ELP4: variants seen among roughly 807,000 people sequenced by gnomAD.
ELP4 encodes the protein elongator acetyltransferase complex subunit 4.
ELP4 carries 51 observed loss-of-function variants against 48.9 expected under a neutral mutation model. That is an observed-to-expected ratio of 1.04 (90% confidence interval 0.83 to 1.32). ELP4 has a LOEUF of 1.32. Among genes scored for constraint, ELP4 ranks in the 40% most tolerant of loss-of-function variants. The pLI is 0.00. For synonymous variants in ELP4, 210 were observed against 189.2 expected (o/e 1.11, Z -0.90); for missense variants, 519 against 514.6 (o/e 1.01, Z -0.08).
chr11:31,660,735 G>A (rs1452917976), intron 9 of ELP4, among the ~76,000 whole-genome samples: 2 of 151,808 alleles, frequency 1.3e-5, no homozygotes, highest in Non-Finnish European at 2.9e-5. Context: ...CATAAAACTA[G>A]CATGTTTCAA....
chr11:31,692,616 C>A (rs1946302788), intron 9 of ELP4, among the ~76,000 whole-genome samples: 1 of 152,088 alleles, frequency 6.6e-6, no homozygotes, highest in South Asian at 2.1e-4. Context: ...GTGACAGCTC[C>A]CAGTTCTGTA....
At chr11:31,682,110 TA>T in intron 9 of ELP4, 1 of 1,233,498 alleles carries the variant, frequency 8.1e-7, no homozygotes, top group Non-Finnish European at 1.0e-6. Context: ...AGTGCTTCTG[TA>T]ATGTCAGCGT....
intron 9 of ELP4, among the ~76,000 whole-genome samples, chr11:31,748,149 C>T (rs531086042): frequency 1.2e-3 from 186 of 151,932 alleles, no homozygotes; most frequent in African/African-American, 4.4e-3. Context: ...TGGGCAGATT[C>T]GTAGTTATGT....
At chr11:31,742,215 G>A (rs889772065) in intron 9 of ELP4, among the ~76,000 whole-genome samples, 3 of 152,044 alleles carry the variant, frequency 2.0e-5, no homozygotes, top group East Asian at 3.9e-4. Context: ...GAAAAGAAAC[G>A]AACAAAGCCT....
At chr11:31,698,056 G>A (rs1308202848) in intron 9 of ELP4, among the ~76,000 whole-genome samples, 3 of 152,000 alleles carry the variant, frequency 2.0e-5, no homozygotes, top group African/African-American at 4.8e-5. Flanking sequence ...AGTAAAGTAC[G>A]CCCTGGCATT....
In ELP4 at chr11:31,509,898, G is replaced by A; in HGVS notation, c.114G>A (p.Val38=). 2 of 1,614,134 alleles carry A rather than the reference G, an allele frequency of 1.2e-6. No homozygotes were observed. The highest frequency in any genetic ancestry group is 1.7e-6 in the Non-Finnish European group (2 of 1,180,036). Residue 38 remains valine (V), a synonymous_variant, in exon 1 of 10, where the codon GTG becomes GTA. Coordinates refer to ENST00000640961, the MANE Select transcript of ELP4 (RefSeq NM_019040.5). ...SFQRRGPRAS[V]TNDSGPRLVS... is the part of the protein sequence containing the mutation. ...AGAGGAGGGGTCCTAGAGCCAGCGT[G>A]ACCAACGACAGCGGCCCTCGACTGG...
chr11:31,614,944 A>G (rs1017268619), intron 5 of ELP4, among the ~76,000 whole-genome samples: 7 of 152,150 alleles, frequency 4.6e-5, no homozygotes, highest in Non-Finnish European at 7.4e-5. Flanking sequence ...GTTTTGCTGT[A>G]TAGGATGATA....
In ELP4 at chr11:31,509,924, T is replaced by C; in HGVS notation, c.140T>C (p.Val47Ala). 3 of 1,613,898 alleles carry C rather than the reference T, an allele frequency of 1.9e-6. No homozygotes were observed. The Admixed American group carries it at 5.0e-5, about 27-fold the overall frequency. ...SVTNDSGPRL[V>A]SIAGTRPSVR... Reference sequence around the variant, plus strand: ...ACCAACGACAGCGGCCCTCGACTGGTGTCCATTGCGGGCACGCGACCGTCG... The same window carrying C: ...ACCAACGACAGCGGCCCTCGACTGGCGTCCATTGCGGGCACGCGACCGTCG... Residue 47 changes from valine to alanine, a missense_variant, in exon 1 of 10, where the codon GTG becomes GCG. Coordinates refer to ENST00000640961, the MANE Select transcript of ELP4 (RefSeq NM_019040.5).
At chr11:31,765,448 C>A (rs1231718142) in intron 9 of ELP4, among the ~76,000 whole-genome samples, 3 of 152,094 alleles carry the variant, frequency 2.0e-5, no homozygotes, top group Non-Finnish European at 4.4e-5. Context: ...TAAACAGACT[C>A]TTTTTAATAT....
chr11:31,679,917 G>A (rs375016558), intron 9 of ELP4, among the ~76,000 whole-genome samples: 14 of 152,122 alleles, frequency 9.2e-5, no homozygotes, highest in African/African-American at 3.1e-4. Flanking sequence ...CCTAGGGCTG[G>A]GTCCCTCTGG....
intron 1 of ELP4, chr11:31,510,413 TGA>T: frequency 2.4e-6 from 1 of 416,826 alleles, no homozygotes; most frequent in East Asian, 3.3e-5. Context: ...TTTATAATTG[TGA>T]GAGACAGACT....
intron 3 of ELP4, among the ~76,000 whole-genome samples, chr11:31,545,657 G>A (rs1166561433): frequency 5.3e-5 from 8 of 151,998 alleles, no homozygotes; most frequent in African/African-American, 1.4e-4. Flanking sequence ...CTCCTCGAGA[G>A]GAGCAACTGC....
At chr11:31,635,071 A>G (rs1009779702) in intron 7 of ELP4, among the ~76,000 whole-genome samples, 2 of 152,008 alleles carry the variant, frequency 1.3e-5, no homozygotes, top group Middle Eastern at 3.2e-3. Context: ...ATTTGTTTTT[A>G]TATGAAAATG....
chr11:31,517,366 G>T (rs1178981167), intron 1 of ELP4, among the ~76,000 whole-genome samples: 6 of 151,808 alleles, frequency 4.0e-5, no homozygotes, highest in Non-Finnish European at 8.8e-5. Context: ...GTTTCACCTT[G>T]TTGGCCAGGA....
At chr11:31,538,022 A>G (rs908602913) in intron 2 of ELP4, among the ~76,000 whole-genome samples, 1 of 152,150 alleles carries the variant, frequency 6.6e-6, no homozygotes, top group Non-Finnish European at 1.5e-5. Context: ...TAGGTCTTCT[A>G]TACTCTCAGA....
chr11:31,557,298 A>G (rs891573094), intron 3 of ELP4, among the ~76,000 whole-genome samples: 3 of 151,974 alleles, frequency 2.0e-5, no homozygotes, highest in Admixed American at 6.5e-5. Flanking sequence ...GATCTGATTC[A>G]TTGTACCTTA....
intron 9 of ELP4, among the ~76,000 whole-genome samples, chr11:31,676,545 G>C (rs1233660230): frequency 6.6e-6 from 1 of 152,146 alleles, no homozygotes. Flanking sequence ...AAACAAGTTT[G>C]TATGTCTCAG....
At position 31,589,426 on chromosome 11, in the gene ELP4, A is replaced by C. The variant is rs61878485; in HGVS notation, c.382-5344A>C. On this transcript the variant is annotated intron_variant, in intron 3 of 9. Transcript: ENST00000640961. ...TGAAATGGGAATTCAGAAAAGAGAG[A>C]GCTATATATAAATATGGACAGTAAA... 8.4e-3 allele frequency among the ~76,000 whole-genome samples: 1,284 copies of C among 152,328 alleles called. 7 individuals carry two copies. The highest frequency in any genetic ancestry group is 0.013 in the Non-Finnish European group (880 of 68,022).
intron 3 of ELP4, among the ~76,000 whole-genome samples, chr11:31,565,883 A>G (rs1454385702): frequency 1.3e-5 from 2 of 152,148 alleles, no homozygotes; most frequent in African/African-American, 4.8e-5. Flanking sequence ...TATGAACTGT[A>G]AAGTAGTTTT....
Sources: allele counts gnomAD v4.1 joint callset (sites outside exome capture counted in the v4.1 genomes callset), GRCh38; gene constraint gnomAD v4.1.1; transcripts MANE v1.5; gene names NCBI Gene and HGNC (gene_info 2026-07-23, HGNC 2026-07-21).